HECTD4: variants seen among roughly 807,000 people sequenced by gnomAD.
HECTD4 encodes the protein HECT domain E3 ubiquitin protein ligase 4, also known as probable E3 ubiquitin-protein ligase HECTD4.
A neutral mutation model predicts 471.5 loss-of-function variants in HECTD4; 114 were observed. The observed-to-expected ratio is 0.24, with a 90% confidence interval of 0.21 to 0.28. The LOEUF is 0.28. HECTD4 is among the 10% of genes least tolerant of loss of function. HECTD4 has a pLI of 1.00. For missense variants in HECTD4, 3,866 were observed against 5,651.5 expected (o/e 0.68, Z 10.13); for synonymous variants, 2,012 against 2,256.0 (o/e 0.89, Z 3.07).
chr12:112,279,958 T>C (rs1024610695), intron 8 of HECTD4, among the ~76,000 whole-genome samples: 2 of 152,216 alleles, frequency 1.3e-5, no homozygotes, highest in African/African-American at 4.8e-5. Context: ...AACATTTCCT[T>C]TGAGCATCAT....
rs1045926953 is a variant in HECTD4 at position 112,289,048 on chromosome 12, C to T, written c.1336-5746G>A. 3.9e-5 allele frequency among the ~76,000 whole-genome samples: 6 copies of T among 152,294 alleles called. No individual in the cohort carries two copies. The East Asian group carries it at 5.8e-4, about 15-fold the overall frequency. The stretch of plus-strand genomic sequence containing the variant: ...GTTTGTTAGTTAAGCAGGATAATCT[C>T]GACATTCCATTTTGTTACATCATAT... On this transcript the variant is annotated intron_variant, in intron 7 of 75. Transcript: ENST00000682272.
In HECTD4 at chr12:112,163,714, G is replaced by C. The variant is rs1370020392; in HGVS notation, c.12725C>G (p.Ala4242Gly). 6.7e-7 allele frequency: 1 copy of C among 1,490,500 alleles called. No individual in the cohort carries two copies. Among genetic ancestry groups the C allele is most frequent in the Non-Finnish European group, 8.9e-7 (1 of 1,118,860 alleles). 92.3% of individuals were successfully genotyped at this position (1,490,500 alleles called of 1,614,324 possible). Residue 4242 changes from alanine to glycine, a missense_variant, in exon 74 of 76, where the codon GCG becomes GGG. Coordinates refer to ENST00000682272, the MANE Select transcript of HECTD4 (RefSeq NM_001388303.1). This position sits in a 1 kb window ranked among gnomAD's most constrained non-coding sequence, Gnocchi z 8.2. The part of the protein sequence containing the change: ...LVAWENKDIY[A>G]AAIRSLRLRE... The stretch of plus-strand genomic sequence containing the variant: ...CAGCCGCAGGCTCCGGATGGCTGCC[G>C]CGTAGATGTCCTTGTTCTCCCACCT...
intron 50 of HECTD4, 84 bp from the exon 51 acceptor site, chr12:112,208,714 T>C: frequency 7.9e-7 from 1 of 1,258,698 alleles, no homozygotes; most frequent in Non-Finnish European, 1.1e-6. Context: ...ACAAACCAGA[T>C]TATCTTAATT....
At chr12:112,320,438 G>A (rs1194047903) in intron 1 of HECTD4, among the ~76,000 whole-genome samples, 3 of 152,094 alleles carry the variant, frequency 2.0e-5, no homozygotes, top group Non-Finnish European at 2.9e-5. Context: ...GGTGGCTCAC[G>A]CCTGTAATCC....
chr12:112,195,388 C>T (rs964369787), intron 55 of HECTD4, among the ~76,000 whole-genome samples: 1 of 152,182 alleles, frequency 6.6e-6, no homozygotes, highest in African/African-American at 2.4e-5. Context: ...TGTCCATTAA[C>T]TCAATGGTAA....
chr12:112,308,278 G>C (rs1285136891), intron 6 of HECTD4, among the ~76,000 whole-genome samples: 1 of 152,138 alleles, frequency 6.6e-6, no homozygotes, highest in Non-Finnish European at 1.5e-5. Context: ...CCATGGCAGA[G>C]TGCTTACGAG....
chr12:112,218,493 T>C (rs535548244), intron 45 of HECTD4, among the ~76,000 whole-genome samples: 1 of 152,340 alleles, frequency 6.6e-6, no homozygotes, highest in African/African-American at 2.4e-5. Flanking sequence ...TTCATATAAA[T>C]GGAATTTATA....
chr12:112,217,167 C>A lies in HECTD4; in HGVS notation c.7103G>T (p.Arg2368Leu). 1.3e-6 allele frequency: 2 copies of A among 1,533,596 alleles called. No homozygotes were observed. Among genetic ancestry groups the A allele is most frequent in the South Asian group, 2.6e-5 (2 of 77,200 alleles). The allele number at this position is 1,533,596 out of a possible 1,614,324, so 95.0% of individuals were successfully genotyped here. A position where few individuals can be genotyped will look rare whatever the true frequency, so the allele number is the denominator to read the frequency against. The change falls in exon 46 of 76, where the codon CGA becomes CTA. Residue 2368 changes from arginine to leucine, a missense_variant. Physicochemically the swap from Arg to Leu is moderately radical, Grantham distance 102. Around this residue, in one of 16 missense-constraint regions of HECTD4, gnomAD observed 617 missense variants for 915.1 expected, o/e 0.67. Coordinates refer to ENST00000682272, the MANE Select transcript of HECTD4 (RefSeq NM_001388303.1). ...QPKEITWSPS[R>L]VFPPVRACMF... ...GCAGGCTCGAACAGGCGGAAACACT[C>A]GCGAGGGGCTCCAAGTAATCTCTTT... is the stretch of plus-strand genomic sequence containing the variant.
At position 112,274,898 on chromosome 12, in the gene HECTD4, T is replaced by C. The variant is rs1404194151; in HGVS notation, c.1750A>G (p.Ile584Val). 2 of 1,538,502 alleles carry C rather than the reference T, an allele frequency of 1.3e-6. No individual in the cohort carries two copies. Among genetic ancestry groups the C allele is most frequent in the Non-Finnish European group, 8.8e-7 (1 of 1,136,260 alleles). The change falls in exon 10 of 76, where the codon ATA becomes GTA. Residue 584 changes from isoleucine (I) to valine (V), a missense_variant. Physicochemically the swap from Ile to Val is conservative, Grantham distance 29. This residue lies in a region of HECTD4 where 525 missense variants were observed against 672.6 expected (regional missense o/e 0.78). Coordinates refer to ENST00000682272, the MANE Select transcript of HECTD4 (RefSeq NM_001388303.1). ...CCCAGTGAGCTTCCAGCAGCATCTA[T>C]GAGATCTGCACGACTTGTAAACTGA... ...DGQFTSRADL[I>V]DAAGSSLGRG...
chr12:112,313,226 G>T, intron 3 of HECTD4, 79 bp from the exon 4 acceptor site: 2 of 1,194,228 alleles, frequency 1.7e-6, no homozygotes, highest in South Asian at 2.2e-5. Context: ...ACCCCAAAGA[G>T]TAGAAACCAA....
At position 112,197,042 on chromosome 12, in the gene HECTD4, C is replaced by G. The variant is rs565848958; in HGVS notation, c.8568-1976G>C. The stretch of plus-strand genomic sequence containing the variant: ...AACTCCTCACCTCAAGTGATCTGCC[C>G]ACCTCGGCCTCCCAAAGTGCTGGGA... On this transcript the variant is annotated intron_variant, in intron 55 of 75. Transcript: ENST00000682272. 2.6e-5 allele frequency among the ~76,000 whole-genome samples: 4 copies of G among 152,142 alleles called. No homozygotes were observed. In the East Asian group the frequency reaches 7.7e-4, roughly 29 times the overall value.
chr12:112,382,095 C>G lies in HECTD4; in HGVS notation c.34G>C (p.Ala12Pro). The change falls in exon 1 of 76, where the codon GCG becomes CCG. Residue 12 changes from alanine (A) to proline (P), a missense_variant. By Grantham distance (27) the Ala-to-Pro change is conservative. This residue lies in a region of HECTD4 where 440 missense variants were observed against 636.0 expected (regional missense o/e 0.69). Transcript: ENST00000682272. ...GSSAAAAAAA[A>P]AAADSAQWLS... ...CACTGCGCCGAGTCAGCGGCCGCCGCCGCCGCCGCCGCCGCGGCCGCCGAC... is the reference window on the plus strand; with the variant it reads ...CACTGCGCCGAGTCAGCGGCCGCCGGCGCCGCCGCCGCCGCGGCCGCCGAC... The G allele has an allele frequency of 2.4e-6, 3 of 1,226,604 alleles. No homozygotes were observed. Among genetic ancestry groups the G allele is most frequent in the Non-Finnish European group, 3.0e-6 (3 of 985,604 alleles). 76.0% of individuals were successfully genotyped at this position (1,226,604 alleles called of 1,614,324 possible). A position where few individuals can be genotyped will look rare whatever the true frequency, so the allele number is the denominator to read the frequency against.
At chr12:112,195,946 G>C (rs2032228650) in intron 55 of HECTD4, among the ~76,000 whole-genome samples, 1 of 152,204 alleles carries the variant, frequency 6.6e-6, no homozygotes, top group South Asian at 2.1e-4. Context: ...AGGATTACTT[G>C]AGGTCAGGAG....
intron 1 of HECTD4, among the ~76,000 whole-genome samples, chr12:112,337,337 C>T (rs2035976526): frequency 6.6e-6 from 1 of 152,110 alleles, no homozygotes. Context: ...GGGGGTAATA[C>T]ATTTTCTGGG....
chr12:112,270,104 G>A, intron 12 of HECTD4, 123 bp downstream of exon 12: 1 of 813,480 alleles, frequency 1.2e-6, no homozygotes, highest in South Asian at 1.8e-5. Context: ...AGGATCAGAA[G>A]GTGGTAAGAT....
Position 112,283,449 on chromosome 12 carries a change from T to C in HECTD4, c.1336-147A>G, listed in dbSNP as rs951542333. 7 of 598,406 alleles carry C rather than the reference T, an allele frequency of 1.2e-5. No homozygotes were observed. The African/African-American group carries it at 1.3e-4, about 11-fold the overall frequency. 37.1% of individuals were successfully genotyped at this position (598,406 alleles called of 1,614,324 possible). A position where few individuals can be genotyped will look rare whatever the true frequency, so the allele number is the denominator to read the frequency against. ...TATACCTTAAAACTTAAATGTGCTA[T>C]AGAAACTACTACAAACAAAAGAGAC... On this transcript the variant is annotated intron_variant, in intron 7 of 75. Coordinates refer to ENST00000682272, the MANE Select transcript of HECTD4 (RefSeq NM_001388303.1).
intron 7 of HECTD4, among the ~76,000 whole-genome samples, chr12:112,301,244 G>A (rs773070164): frequency 2.0e-5 from 3 of 149,080 alleles, no homozygotes; most frequent in East Asian, 2.0e-4. Context: ...GTGCAATAGC[G>A]CGATCTCAGC....
intron 1 of HECTD4, among the ~76,000 whole-genome samples, chr12:112,345,436 A>G (rs144092357): frequency 4.6e-5 from 7 of 152,306 alleles, no homozygotes; most frequent in Admixed American, 3.3e-4. Context: ...AAGAAACACA[A>G]AAGTAAATAC....
chr12:112,326,483 A>T (rs2035748256), intron 1 of HECTD4, among the ~76,000 whole-genome samples: 1 of 152,110 alleles, frequency 6.6e-6, no homozygotes, highest in African/African-American at 2.4e-5. Flanking sequence ...ACAGAGTGAG[A>T]CCCTGTCTCA....
Sources: allele counts gnomAD v4.1 joint callset (sites outside exome capture counted in the v4.1 genomes callset), GRCh38; gene constraint gnomAD v4.1.1; regional missense constraint gnomAD v4.1.1; non-coding constraint Gnocchi (gnomAD v3.1); transcripts MANE v1.5; gene names NCBI Gene and HGNC (gene_info 2026-07-23, HGNC 2026-07-21).